The following HTR1F variants were observed in gnomAD, a reference collection of about 807,000 sequenced individuals.
HTR1F encodes the protein 5-hydroxytryptamine (serotonin) receptor 1F, G protein-coupled.
HTR1F carries 17 observed loss-of-function variants against 24.0 expected under a neutral mutation model. The observed-to-expected ratio is 0.71, with a 90% confidence interval of 0.48 to 1.06. HTR1F has a LOEUF of 1.06. HTR1F is among the 50% of genes least tolerant of loss of function. The pLI, the probability that HTR1F is intolerant of heterozygous loss-of-function variation, is 0.00. For synonymous variants in HTR1F, 186 were observed against 156.8 expected (o/e 1.19, Z -1.39); for missense variants, 391 against 427.8 (o/e 0.91, Z 0.76).
At position 87,821,847 on chromosome 3, in the gene HTR1F, G is replaced by A. The variant is rs187731538; in HGVS notation, c.-159-161G>A. Among the ~76,000 whole-genome samples the A allele has an allele frequency of 4.1e-3, 588 of 142,994 alleles. 6 individuals are homozygous for A. Among genetic ancestry groups the A allele is most frequent in the African/African-American group, 0.017 (565 of 32,692 alleles). 93.8% of individuals were successfully genotyped at this position (142,994 alleles called of 152,430 possible). Reference sequence around the variant, plus strand: ...CAAAAAAGACGTTTTTTCTTTTATTGACTTCTAAACCGGATATTTTATTTC... The same window carrying A: ...CAAAAAAGACGTTTTTTCTTTTATTAACTTCTAAACCGGATATTTTATTTC... On this transcript the variant is annotated intron_variant, in intron 1 of 2. Coordinates refer to ENST00000319595, the MANE Select transcript of HTR1F (RefSeq NM_001322209.2).
intron 1 of HTR1F, among the ~76,000 whole-genome samples, chr3:87,816,324 A>T (rs1575901109): frequency 6.6e-6 from 1 of 152,152 alleles, no homozygotes; most frequent in East Asian, 1.9e-4. Flanking sequence ...CTTTTTTTAC[A>T]TTTTAAGCAT....
In HTR1F at chr3:87,991,975, C is replaced by A; in HGVS notation, c.*125C>A. On this transcript the variant is annotated 3_prime_UTR_variant, in exon 3 of 3. Transcript: ENST00000319595. ...CATGAAAACTGCTAAATTGATAAGG[C>A]TATAATTTATATTTTAATAGCAATG... is the stretch of plus-strand genomic sequence containing the variant. 1 of 718,532 alleles carries A rather than the reference C, an allele frequency of 1.4e-6. No individual in the cohort carries two copies. The highest frequency in any genetic ancestry group is 1.8e-5 in the African/African-American group (1 of 54,996). 44.5% of individuals were successfully genotyped at this position (718,532 alleles called of 1,614,324 possible).
chr3:87,846,037 G>A (rs1320253692), intron 2 of HTR1F, among the ~76,000 whole-genome samples: 1 of 151,794 alleles, frequency 6.6e-6, no homozygotes, highest in African/African-American at 2.4e-5. Context: ...CTAGGGCTAG[G>A]GATAAGCAGT....
chr3:87,919,683 A>AGCAAGAATG (rs1703969747), intron 2 of HTR1F, among the ~76,000 whole-genome samples: 1 of 152,112 alleles, frequency 6.6e-6, no homozygotes, highest in South Asian at 2.1e-4. Flanking sequence ...ACCTTACTCC[A>AGCAAGAATG]GCAAGAATGG....
At chr3:87,794,154 G>A (rs930440015) in intron 1 of HTR1F, among the ~76,000 whole-genome samples, 2 of 152,102 alleles carry the variant, frequency 1.3e-5, no homozygotes, top group African/African-American at 4.8e-5. Flanking sequence ...TGAACTCTGG[G>A]CTACATTTCG....
intron 2 of HTR1F, among the ~76,000 whole-genome samples, chr3:87,947,817 G>C (rs777350261): frequency 6.6e-6 from 1 of 151,896 alleles, no homozygotes; most frequent in African/African-American, 2.4e-5. Context: ...TATGTTTATT[G>C]ATAAGCAGTT....
intron 2 of HTR1F, among the ~76,000 whole-genome samples, chr3:87,824,163 T>C (rs1021405805): frequency 6.6e-6 from 1 of 152,188 alleles, no homozygotes; most frequent in African/African-American, 2.4e-5. Flanking sequence ...GTATGTCTAC[T>C]CAATGATTCA....
At chr3:87,813,096 T>A (rs906462580) in intron 1 of HTR1F, among the ~76,000 whole-genome samples, 4 of 152,168 alleles carry the variant, frequency 2.6e-5, no homozygotes, top group African/African-American at 9.7e-5. Flanking sequence ...CACTGCCTAG[T>A]GAAGTTGTGA....
At chr3:87,836,958 A>T (rs1397435456) in intron 2 of HTR1F, among the ~76,000 whole-genome samples, 1 of 152,066 alleles carries the variant, frequency 6.6e-6, no homozygotes, top group East Asian at 1.9e-4. Context: ...TTTGTAGATT[A>T]TGGGAAGAAC....
chr3:87,903,096 C>G (rs1232961644), intron 2 of HTR1F, among the ~76,000 whole-genome samples: 1 of 152,078 alleles, frequency 6.6e-6, no homozygotes, highest in Non-Finnish European at 1.5e-5. Context: ...AACTGGATCC[C>G]TTCCTTACAC....
intron 2 of HTR1F, among the ~76,000 whole-genome samples, chr3:87,972,157 A>G (rs1229671497): frequency 3.3e-5 from 5 of 152,208 alleles, no homozygotes; most frequent in African/African-American, 9.6e-5. Context: ...GCCCTTCTAG[A>G]TCTTACATTC....
chr3:87,889,558 G>A (rs1706033208), intron 2 of HTR1F, among the ~76,000 whole-genome samples: 1 of 151,978 alleles, frequency 6.6e-6, no homozygotes, highest in South Asian at 2.1e-4. Flanking sequence ...AGATTTGGAG[G>A]TGAAAAAAAC....
At chr3:87,834,231 CTG>C (rs1185508912) in intron 2 of HTR1F, among the ~76,000 whole-genome samples, 1 of 152,014 alleles carries the variant, frequency 6.6e-6, no homozygotes, top group Non-Finnish European at 1.5e-5. Context: ...TTGTAAGATA[CTG>C]TGTGTGTATT....
At chr3:87,936,337 T>C (rs1292937741) in intron 2 of HTR1F, among the ~76,000 whole-genome samples, 1 of 152,226 alleles carries the variant, frequency 6.6e-6, no homozygotes, top group African/African-American at 2.4e-5. Flanking sequence ...CAAAGATTTG[T>C]AAATGGCACT....
chr3:87,808,353 A>G (rs1251616701), intron 1 of HTR1F, among the ~76,000 whole-genome samples: 2 of 151,916 alleles, frequency 1.3e-5, no homozygotes, highest in African/African-American at 4.8e-5. Context: ...GGTCAGTTGT[A>G]TGAGTCCAGG....
intron 2 of HTR1F, among the ~76,000 whole-genome samples, chr3:87,877,002 T>G (rs1478328366): frequency 6.6e-6 from 1 of 152,156 alleles, no homozygotes; most frequent in Admixed American, 6.5e-5. Context: ...TTTCAAAAAG[T>G]AATTTTAGGC....
intron 2 of HTR1F, among the ~76,000 whole-genome samples, chr3:87,834,998 A>C (rs1704653759): frequency 6.6e-6 from 1 of 152,182 alleles, no homozygotes; most frequent in Non-Finnish European, 1.5e-5. Context: ...AGAAAGATTA[A>C]GTGTCTTGCC....
At chr3:87,939,433 A>G (rs1285700822) in intron 2 of HTR1F, among the ~76,000 whole-genome samples, 2 of 152,178 alleles carry the variant, frequency 1.3e-5, no homozygotes, top group Non-Finnish European at 2.9e-5. Context: ...TGTTTGGAAT[A>G]ATTTCAGAAG....
chr3:87,968,693 TTC>T (rs1705219394), intron 2 of HTR1F, among the ~76,000 whole-genome samples: 1 of 152,258 alleles, frequency 6.6e-6, no homozygotes. Flanking sequence ...AAAACCCATT[TTC>T]TTAGGAGAAA....
Sources: gnomAD v4.1 joint callset for allele counts (sites outside exome capture counted in the v4.1 genomes callset) on GRCh38, gnomAD v4.1.1 for gene constraint, MANE v1.5 for transcripts, NCBI Gene and HGNC (gene_info 2026-07-23, HGNC 2026-07-21) for gene names.